Variants in ITPKB observed in about 807,000 individuals in gnomAD.
The protein encoded by ITPKB is IP3 3-kinase B.
In ITPKB, 13 loss-of-function variants were observed where a neutral mutation model predicts 69.4. The observed-to-expected ratio is 0.19, with a 90% confidence interval of 0.12 to 0.30. ITPKB has a LOEUF of 0.30. Among genes scored for constraint, ITPKB ranks in the 10% least tolerant of loss-of-function variants. The probability of loss-of-function intolerance (pLI) is 1.00; values close to 1 mark genes in which losing one functional copy is unlikely to be tolerated. For synonymous variants in ITPKB, 584 were observed against 513.7 expected (o/e 1.14, Z -1.85); for missense variants, 1,240 against 1,250.5 (o/e 0.99, Z 0.13).
chr1:226,649,479 T>C (rs1669136059), intron 2 of ITPKB, among the ~76,000 whole-genome samples: 1 of 150,834 alleles, frequency 6.6e-6, no homozygotes, highest in Admixed American at 6.6e-5. Context: ...TGTATGTGCA[T>C]ATGTGTGCAT....
rs372727679 is a variant in ITPKB, at chr1:226,736,703, G to A, written c.756C>T (p.Ser252=). 1 of 1,612,864 alleles carries A rather than the reference G, an allele frequency of 6.2e-7. No individual in the cohort carries two copies. The highest frequency in any genetic ancestry group is 2.2e-5 in the East Asian group (1 of 44,828). ...TACCCTTCTCCATCCTTACAAAAGC[G>A]GATGGACCCTGAGCCTCTGATCCTG... ...APTGSEAQGP[S]AFVRMEKGIP... is the part of the protein sequence containing the mutation. Residue 252 remains serine (S), a synonymous_variant, in exon 2 of 8, where the codon TCC becomes TCT. Coordinates refer to ENST00000429204, the MANE Select transcript of ITPKB (RefSeq NM_002221.4).
At chr1:226,728,791 A>G (rs1657498770) in intron 2 of ITPKB, among the ~76,000 whole-genome samples, 1 of 152,150 alleles carries the variant, frequency 6.6e-6, no homozygotes, top group African/African-American at 2.4e-5. Context: ...CATTTTTCAG[A>G]GAGCTTGCTA....
At chr1:226,650,127 G>A (rs573323201) in intron 2 of ITPKB, among the ~76,000 whole-genome samples, 5 of 152,346 alleles carry the variant, frequency 3.3e-5, no homozygotes, top group African/African-American at 7.2e-5. Context: ...GCCCCGAAGC[G>A]CCCAGCTGCA....
intron 2 of ITPKB, among the ~76,000 whole-genome samples, chr1:226,686,572 C>T (rs1053855306): frequency 6.6e-6 from 1 of 152,212 alleles, no homozygotes; most frequent in African/African-American, 2.4e-5. Flanking sequence ...CCTGAAACTG[C>T]GTCAGCGTGC....
chr1:226,736,165 CG>C lies in ITPKB; in HGVS notation c.1293del (p.Val432TrpfsTer57). The C allele has an allele frequency of 1.3e-6, 2 of 1,553,772 alleles. No individual in the cohort carries two copies. The highest frequency in any genetic ancestry group is 1.7e-6 in the Non-Finnish European group (2 of 1,150,430). On this transcript the variant is annotated frameshift_variant, in exon 2 of 8. Coordinates refer to ENST00000429204, the MANE Select transcript of ITPKB (RefSeq NM_002221.4). LOFTEE classifies it high-confidence loss of function. Reference sequence around the variant, plus strand: ...GAGAGCTGCCAACGCCCCCCGCCCACGGGGGCCCCACTTCGGGCCTCCTCAG... The same window carrying C: ...GAGAGCTGCCAACGCCCCCCGCCCACGGGGCCCCACTTCGGGCCTCCTCAG... Reference protein sequence around the residue: ...VGPEEARSGAPVGGGRWQLSD... With the variant: ...VGPEEARSGAXVGGGRWQLSD...
Position 226,736,546 on chromosome 1 carries a change from C to T in ITPKB, c.913G>A (p.Glu305Lys), listed in dbSNP as rs1488101959. Residue 305 changes from glutamate (E) to lysine (K), a missense_variant, in exon 2 of 8, where the codon GAA becomes AAA. Physicochemically the swap from Glu to Lys is moderately conservative, Grantham distance 56. Around this residue, in one of 2 missense-constraint regions of ITPKB, gnomAD observed 992 missense variants for 853.8 expected, o/e 1.16. Transcript: ENST00000429204. Reference protein sequence around the residue: ...LFGASLTMATEVAARVTSTGP... With the variant: ...LFGASLTMATKVAARVTSTGP... The stretch of plus-strand genomic sequence containing the variant: ...GTGGATGTAACTCTCGCTGCCACTT[C>T]CGTGGCCATCGTTAAGCTAGCTCCG... 1 of 1,614,006 alleles carries T rather than the reference C, an allele frequency of 6.2e-7. No individual in the cohort carries two copies. Among genetic ancestry groups the T allele is most frequent in the African/African-American group, 1.3e-5 (1 of 75,068 alleles).
chr1:226,737,016 C>G lies in ITPKB; in HGVS notation c.443G>C (p.Gly148Ala). 6.2e-7 allele frequency: 1 copy of G among 1,612,792 alleles called. No individual in the cohort carries two copies. The highest frequency in any genetic ancestry group is 1.3e-5 in the African/African-American group (1 of 75,066). Reference sequence around the variant, plus strand: ...TGCCTGGATGTGCGCCTCAAACATGCCCACTTTCTGGTTCACCTGCACGTT... The same window carrying G: ...TGCCTGGATGTGCGCCTCAAACATGGCCACTTTCTGGTTCACCTGCACGTT... ...LQNVQVNQKV[G>A]MFEAHIQAQS... is the part of the protein sequence containing the mutation. The change falls in exon 2 of 8, where the codon GGC becomes GCC. Residue 148 changes from glycine to alanine, a missense_variant. By Grantham distance (60) the Gly-to-Ala change is moderately conservative. Coordinates refer to ENST00000429204, the MANE Select transcript of ITPKB (RefSeq NM_002221.4).
At chr1:226,723,021 T>C (rs1035004581) in intron 2 of ITPKB, among the ~76,000 whole-genome samples, 1 of 144,514 alleles carries the variant, frequency 6.9e-6, no homozygotes, top group Non-Finnish European at 1.5e-5. Flanking sequence ...GAGACCAGGG[T>C]TTGGCAGGCA....
intron 2 of ITPKB, among the ~76,000 whole-genome samples, chr1:226,653,471 G>A (rs989443126): frequency 6.6e-6 from 1 of 152,172 alleles, no homozygotes. Flanking sequence ...CAGGGCCCCT[G>A]GTGCCCCTAA....
chr1:226,692,970 G>A (rs1297540137), intron 2 of ITPKB, among the ~76,000 whole-genome samples: 2 of 152,142 alleles, frequency 1.3e-5, no homozygotes, highest in African/African-American at 4.8e-5. Context: ...GCTTTTTCCT[G>A]GGCCTGGGAA....
At chr1:226,649,471 T>C (rs192423297) in intron 2 of ITPKB, among the ~76,000 whole-genome samples, 38 of 151,300 alleles carry the variant, frequency 2.5e-4, no homozygotes, top group African/African-American at 5.8e-4. Context: ...TATGTGCATG[T>C]ATGTGCATAT....
In ITPKB at chr1:226,695,947, G is replaced by T. The variant is rs1656474438; in HGVS notation, c.1932+39580C>A. Among the ~76,000 whole-genome samples the T allele has an allele frequency of 2.0e-5, 3 of 152,134 alleles. 1 individual carries two copies. In the South Asian group the frequency reaches 6.2e-4, roughly 32 times the overall value. The stretch of plus-strand genomic sequence containing the variant: ...GATGCAAGGCCAGCAAAGGGAAGAG[G>T]ATAAGAAAAAGGCAGAGCAGAGGGA... On this transcript the variant is annotated intron_variant, in intron 2 of 7. Coordinates refer to ENST00000429204, the MANE Select transcript of ITPKB (RefSeq NM_002221.4).
At chr1:226,732,307 C>T (rs544739624) in intron 2 of ITPKB, among the ~76,000 whole-genome samples, 10 of 152,242 alleles carry the variant, frequency 6.6e-5, no homozygotes, top group Admixed American at 6.5e-4. Context: ...GGTACAATCT[C>T]GCCTCATTGC....
chr1:226,729,104 T>A (rs79229086), intron 2 of ITPKB, among the ~76,000 whole-genome samples: 3,774 of 152,226 alleles, frequency 0.025, 150 homozygotes, highest in African/African-American at 0.084. Context: ...TGAGGAAGTT[T>A]GTTAGTTGAA....
At chr1:226,643,363 C>T (rs1436708845) in intron 4 of ITPKB, among the ~76,000 whole-genome samples, 4 of 152,238 alleles carry the variant, frequency 2.6e-5, no homozygotes, top group African/African-American at 9.6e-5. Flanking sequence ...CCCTACACAA[C>T]AGGCTCAGAG....
At chr1:226,701,107 C>A (rs1656626295) in intron 2 of ITPKB, among the ~76,000 whole-genome samples, 1 of 152,212 alleles carries the variant, frequency 6.6e-6, no homozygotes, top group Admixed American at 6.5e-5. Context: ...CACCTCCAGG[C>A]ACTTCAAATG....
At chr1:226,731,457 C>A (rs1473253095) in intron 2 of ITPKB, among the ~76,000 whole-genome samples, 1 of 152,208 alleles carries the variant, frequency 6.6e-6, no homozygotes, top group Non-Finnish European at 1.5e-5. Context: ...GTTTTGGCCT[C>A]AGTGCCGGAA....
Position 226,736,624 on chromosome 1 carries a change from C to T in ITPKB, c.835G>A (p.Gly279Ser), listed in dbSNP as rs1349868150. 10 of 1,613,672 alleles carry T rather than the reference C, an allele frequency of 6.2e-6. No homozygotes were observed. In the Admixed American group the frequency reaches 1.3e-4, roughly 22 times the overall value. The change falls in exon 2 of 8, where the codon GGC becomes AGC. Residue 279 changes from glycine (G) to serine (S), a missense_variant. Transcript: ENST00000429204. ...CTCCGAGTTCCCGGGGTAGGAGAGCCCCTTTTGTCAATTTCCATAGCTGTG... is the reference window on the plus strand; with the variant it reads ...CTCCGAGTTCCCGGGGTAGGAGAGCTCCTTTTGTCAATTTCCATAGCTGTG... ...SPTAMEIDKR[G>S]SPTPGTRSCL...
rs148611192 is a variant in ITPKB, at chr1:226,683,125, C to T, written c.1933-34354G>A. Reference sequence around the variant, plus strand: ...CTGCAACCTGTCACTGTGCTGTCCACGCTTGCATAAACCTGGGTGGAAGAC... The same window carrying T: ...CTGCAACCTGTCACTGTGCTGTCCATGCTTGCATAAACCTGGGTGGAAGAC... On this transcript the variant is annotated intron_variant, in intron 2 of 7. Transcript: ENST00000429204. 5.3e-3 allele frequency among the ~76,000 whole-genome samples: 802 copies of T among 152,312 alleles called. 12 individuals carry two copies. Among genetic ancestry groups the T allele is most frequent in the African/African-American group, 0.018 (747 of 41,554 alleles).
Sources: allele counts gnomAD v4.1 joint callset (sites outside exome capture counted in the v4.1 genomes callset), GRCh38; gene constraint gnomAD v4.1.1; regional missense constraint gnomAD v4.1.1; transcripts MANE v1.5; gene names NCBI Gene and HGNC (gene_info 2026-07-23, HGNC 2026-07-21).